ZFPM1: variants seen among roughly 807,000 people sequenced by gnomAD.
ZFPM1 encodes zinc finger protein ZFPM1.
In ZFPM1, 28 loss-of-function variants were observed where a neutral mutation model predicts 46.3. The observed-to-expected ratio is 0.60, with a 90% CI of 0.45 to 0.83. ZFPM1 has a LOEUF of 0.83. Ranked by LOEUF, ZFPM1 falls within the 40% of genes least tolerant of loss-of-function variation. The pLI is 0.00. For missense variants in ZFPM1, 1,878 were observed against 1,432.4 expected (o/e 1.31, Z -5.02); for synonymous variants, 957 against 675.9 (o/e 1.42, Z -6.45).
upstream of ZFPM1, among the ~76,000 whole-genome samples, chr16:88,452,205 G>A (rs897265117): frequency 3.9e-5 from 6 of 152,108 alleles, no homozygotes; most frequent in African/African-American, 1.5e-4. Context: ...GCTGGGAGTG[G>A]GGGACAGCCC....
chr16:88,497,579 G>A lies in ZFPM1; in HGVS notation c.268+8426G>A, dbSNP rs1271673584. Reference sequence around the variant, plus strand: ...GGGCGGGGGCTCAGTGCCAGGGACTGCAAGGAGCTGCCTCGGTTTTCTTGG... The same window carrying A: ...GGGCGGGGGCTCAGTGCCAGGGACTACAAGGAGCTGCCTCGGTTTTCTTGG... On this transcript the variant is annotated intron_variant, in intron 3 of 9. Coordinates refer to ENST00000319555, the MANE Select transcript of ZFPM1 (RefSeq NM_153813.3). The surrounding 1 kb of genome is among the most constrained non-coding windows in gnomAD (Gnocchi z 5.4). Among the ~76,000 whole-genome samples the A allele has an allele frequency of 1.3e-5, 2 of 152,100 alleles. No homozygotes were observed. The highest frequency in any genetic ancestry group is 2.9e-5 in the Non-Finnish European group (2 of 68,000).
intron 3 of ZFPM1, among the ~76,000 whole-genome samples, chr16:88,504,666 C>T (rs549845210): frequency 2.6e-5 from 4 of 152,250 alleles, no homozygotes; most frequent in African/African-American, 7.2e-5. Flanking sequence ...CCCTGTGTAC[C>T]GTGGCGCTCT....
At chr16:88,532,471 G>GGAA in intron 7 of ZFPM1, 143 bp from the exon 8 acceptor site, 2 of 906,930 alleles carry the variant, frequency 2.2e-6, no homozygotes, top group East Asian at 5.3e-5. Flanking sequence ...AAAAGGCGGA[G>GGAA]GAGGAGGAGG....
rs1435606768 is a variant in ZFPM1 at position 88,502,625 on chromosome 16, C to T, written c.269-11762C>T. The stretch of plus-strand genomic sequence containing the variant: ...AGTGGCCTTGGTGACCCCCCCTAGC[C>T]GAGGGTCCCCACCTCGCAGGTCGGA... On this transcript the variant is annotated intron_variant, in intron 3 of 9. Transcript: ENST00000319555. Among the ~76,000 whole-genome samples, 7 of 152,202 alleles carry T rather than the reference C, an allele frequency of 4.6e-5. No individual in the cohort carries two copies. The South Asian group carries it at 1.0e-3, about 22-fold the overall frequency.
chr16:88,460,984 A>AT (rs1907814875), intron 1 of ZFPM1, among the ~76,000 whole-genome samples: 1 of 12,064 alleles, frequency 8.3e-5, no homozygotes, highest in Non-Finnish European at 1.7e-4. Flanking sequence ...GACCGAGGGG[A>AT]GGGGCGGGAG....
chr16:88,469,651 G>A lies in ZFPM1; in HGVS notation c.40+15973G>A, dbSNP rs1003125238. ...AGACCAGGATGAGGCAGGCTCCGCC[G>A]GCCTGAGACCTGGCTGGAGGCCCTG... is the stretch of plus-strand genomic sequence containing the variant. On this transcript the variant is annotated intron_variant, in intron 1 of 9. Transcript: ENST00000319555. This position sits in a 1 kb window ranked among gnomAD's most constrained non-coding sequence, Gnocchi z 4.3. 6.6e-6 allele frequency among the ~76,000 whole-genome samples: 1 copy of A among 152,212 alleles called. No individual in the cohort carries two copies. Among genetic ancestry groups the A allele is most frequent in the Non-Finnish European group, 1.5e-5 (1 of 68,044 alleles).
chr16:88,485,160 G>A (rs1489955510), intron 1 of ZFPM1, among the ~76,000 whole-genome samples: 5 of 152,184 alleles, frequency 3.3e-5, no homozygotes, highest in East Asian at 1.9e-4. Flanking sequence ...GGCGGAGGCC[G>A]TGGCGACGGC....
intron 4 of ZFPM1, among the ~76,000 whole-genome samples, chr16:88,519,935 GTGGATGGATGGATGAA>G (rs1567549621): frequency 6.7e-6 from 1 of 149,540 alleles, no homozygotes; most frequent in African/African-American, 2.5e-5. Flanking sequence ...AGATGGATGA[GTGGATGGATGGATGAA>G]TGGATGGATG....
chr16:88,512,610 T>C (rs1911034166), intron 3 of ZFPM1, among the ~76,000 whole-genome samples: 1 of 149,294 alleles, frequency 6.7e-6, no homozygotes, highest in South Asian at 2.1e-4. Flanking sequence ...CCCACGAAGC[T>C]CCAAGCGTTT....
intron 6 of ZFPM1, chr16:88,531,055 G>A (rs1304419691): frequency 6.6e-6 from 1 of 152,242 alleles, no homozygotes; most frequent in Non-Finnish European, 1.5e-5. Flanking sequence ...GAGAAGCCGG[G>A]TGAGAAACCA....
chr16:88,517,379 G>T (rs1911399833), intron 4 of ZFPM1, among the ~76,000 whole-genome samples: 1 of 150,944 alleles, frequency 6.6e-6, no homozygotes, highest in South Asian at 2.1e-4. Context: ...GTGGATGATG[G>T]GTGGATGGGT....
chr16:88,482,013 GCA>G (rs1207668672), intron 1 of ZFPM1, among the ~76,000 whole-genome samples: 2 of 152,206 alleles, frequency 1.3e-5, no homozygotes, highest in Non-Finnish European at 2.9e-5. Flanking sequence ...GGGAAACTGA[GCA>G]CAGAGAGTGG....
At chr16:88,529,003 G>A (rs1912568565) in intron 6 of ZFPM1, among the ~76,000 whole-genome samples, 1 of 152,206 alleles carries the variant, frequency 6.6e-6, no homozygotes, top group African/African-American at 2.4e-5. Flanking sequence ...ACCCCCGGCC[G>A]GGTACAGGAG....
chr16:88,503,397 T>C (rs1359869886), intron 3 of ZFPM1, among the ~76,000 whole-genome samples: 7 of 108,864 alleles, frequency 6.4e-5, no homozygotes, highest in Non-Finnish European at 1.3e-4. Flanking sequence ...CCACGGTTCC[T>C]GAGTGCAGGG....
At chr16:88,491,133 G>A (rs2142381466) in intron 3 of ZFPM1, among the ~76,000 whole-genome samples, 1 of 152,308 alleles carries the variant, frequency 6.6e-6, no homozygotes, top group African/African-American at 2.4e-5. Flanking sequence ...TGGTGCCTCA[G>A]GCCTTCGCTG....
At position 88,489,043 on chromosome 16, in the gene ZFPM1, C is replaced by A. The variant is rs767583803; in HGVS notation, c.158C>A (p.Pro53His). Residue 53 changes from proline (P) to histidine (H), a missense_variant, in exon 3 of 10, where the codon CCC becomes CAC. Coordinates refer to ENST00000319555, the MANE Select transcript of ZFPM1 (RefSeq NM_153813.3). ...TTCCTCTCTGCAGATGTTAACTCACCCCCACCGCTGCCGCCCCCCACATCC... is the reference window on the plus strand; with the variant it reads ...TTCCTCTCTGCAGATGTTAACTCACACCCACCGCTGCCGCCCCCCACATCC... ...PSPPSADVNS[P>H]PPLPPPTSPG... 1 of 1,612,646 alleles carries A rather than the reference C, an allele frequency of 6.2e-7. No individual in the cohort carries two copies.
intron 3 of ZFPM1, among the ~76,000 whole-genome samples, chr16:88,499,413 G>A (rs60117563): frequency 0.15 from 22,903 of 152,284 alleles, 1,980 homozygotes; most frequent in Non-Finnish European, 0.2. Flanking sequence ...CGTGGGGGCC[G>A]CGCAGCGGGT....
chr16:88,492,254 A>G (rs566757929), intron 3 of ZFPM1, among the ~76,000 whole-genome samples: 1 of 148,846 alleles, frequency 6.7e-6, no homozygotes, highest in East Asian at 2.0e-4. Flanking sequence ...TTCTCTCCCA[A>G]TTTCTGTTTT....
Position 88,533,851 on chromosome 16 carries a change from A to C in ZFPM1, c.1893A>C (p.Glu631Asp), listed in dbSNP as rs1198807506. The change falls in exon 10 of 10, where the codon GAA becomes GAC. Residue 631 changes from glutamate (E) to aspartate (D), a missense_variant. By Grantham distance (45) the Glu-to-Asp change is conservative. Transcript: ENST00000319555. The part of the protein sequence containing the change: ...PARAPPGQPA[E>D]PDAPRSSPGP... ...GCGCGCCCCCCGGCCAGCCCGCCGA[A>C]CCCGACGCGCCGCGCTCGTCCCCGG... 6.1e-6 allele frequency: 6 copies of C among 978,956 alleles called. No individual in the cohort carries two copies. In the African/African-American group the frequency reaches 9.2e-5, roughly 15 times the overall value. The allele number at this position is 978,956 out of a possible 1,614,324, so 60.6% of individuals were successfully genotyped here.
Sources: allele counts gnomAD v4.1 joint callset (sites outside exome capture counted in the v4.1 genomes callset), GRCh38; gene constraint gnomAD v4.1.1; non-coding constraint Gnocchi (gnomAD v3.1); transcripts MANE v1.5; gene names NCBI Gene and HGNC (gene_info 2026-07-23, HGNC 2026-07-21).